Variants in CDH13 observed in about 807,000 individuals in gnomAD.
CDH13 encodes cadherin-13.
A neutral mutation model predicts 63.8 loss-of-function variants in CDH13; 24 were observed. The observed-to-expected ratio is 0.38, with a 90% confidence interval of 0.27 to 0.53. CDH13 has a LOEUF of 0.53. Among genes scored for constraint, CDH13 ranks in the 20% least tolerant of loss-of-function variants. The probability of loss-of-function intolerance (pLI) is 0.85; values close to 1 mark genes in which losing one functional copy is unlikely to be tolerated. For synonymous variants in CDH13, 503 were observed against 355.3 expected (o/e 1.42, Z -4.67); for missense variants, 1,049 against 903.1 (o/e 1.16, Z -2.07).
chr16:83,459,427 T>G (rs1330670244), intron 6 of CDH13, among the ~76,000 whole-genome samples: 2 of 152,260 alleles, frequency 1.3e-5, no homozygotes, highest in Non-Finnish European at 2.9e-5. Context: ...TCAGAATGTT[T>G]ATTTCCTTTA....
At chr16:83,762,158 T>G (rs1475826944) in intron 11 of CDH13, among the ~76,000 whole-genome samples, 1 of 152,212 alleles carries the variant, frequency 6.6e-6, no homozygotes, top group East Asian at 1.9e-4. Context: ...TTTTGCTACA[T>G]CAAAACTGGC....
In CDH13 at chr16:83,751,878, G is replaced by C. The variant is rs940529675; in HGVS notation, c.1681+3628G>C. On this transcript the variant is annotated intron_variant, in intron 11 of 13. Transcript: ENST00000567109. ...GGACTGGTCCTTCTTGTTTTCGGAG[G>C]GTGGGTGTTGAGATTACGTCCCAGA... Among the ~76,000 whole-genome samples, 4 of 152,224 alleles carry C rather than the reference G, an allele frequency of 2.6e-5. No individual in the cohort carries two copies. In the East Asian group the frequency reaches 7.7e-4, roughly 29 times the overall value.
rs1774368047 is a variant in CDH13, at chr16:83,047,921, C to T, written c.366+15703C>T. Among the ~76,000 whole-genome samples, 1 of 152,134 alleles carries T rather than the reference C, an allele frequency of 6.6e-6. No homozygotes were observed. The highest frequency in any genetic ancestry group is 6.5e-5 in the Admixed American group (1 of 15,276). Reference sequence around the variant, plus strand: ...ACGGGGAGACTATGTGTGACCAGCACAGGGTCATACATCTAGAATATTTTG... The same window carrying T: ...ACGGGGAGACTATGTGTGACCAGCATAGGGTCATACATCTAGAATATTTTG... On this transcript the variant is annotated intron_variant, in intron 3 of 13. Coordinates refer to ENST00000567109, the MANE Select transcript of CDH13 (RefSeq NM_001257.5). The surrounding 1 kb of genome is among the most constrained non-coding windows in gnomAD (Gnocchi z 4.9).
intron 7 of CDH13, among the ~76,000 whole-genome samples, chr16:83,560,722 A>G (rs2075687869): frequency 6.6e-6 from 1 of 152,206 alleles, no homozygotes; most frequent in African/African-American, 2.4e-5. Context: ...CTGTATTGAC[A>G]TCTTTTTGCC....
intron 1 of CDH13, among the ~76,000 whole-genome samples, chr16:82,642,385 A>G (rs147452387): frequency 2.0e-5 from 3 of 152,354 alleles, no homozygotes; most frequent in East Asian, 3.9e-4. Context: ...ATTGTAATCA[A>G]TAGGGAACAA....
chr16:82,729,053 TC>T (rs1378432759), intron 1 of CDH13, among the ~76,000 whole-genome samples: 1 of 152,198 alleles, frequency 6.6e-6, no homozygotes, highest in Non-Finnish European at 1.5e-5. Context: ...ATCTTCAGGC[TC>T]TATTTCTAAT....
chr16:82,647,566 C>T (rs1910242591), intron 1 of CDH13, among the ~76,000 whole-genome samples: 1 of 152,138 alleles, frequency 6.6e-6, no homozygotes, highest in Non-Finnish European at 1.5e-5. Context: ...GTGTGGAATA[C>T]CTGCTTCCAA....
intron 5 of CDH13, among the ~76,000 whole-genome samples, chr16:83,249,761 C>A (rs1318506984): frequency 6.6e-6 from 1 of 152,206 alleles, no homozygotes; most frequent in African/African-American, 2.4e-5. Flanking sequence ...ATGGATCAGA[C>A]TTTGCACGTT....
intron 10 of CDH13, among the ~76,000 whole-genome samples, chr16:83,740,952 T>C (rs1251569358): frequency 1.3e-5 from 2 of 152,164 alleles, no homozygotes; most frequent in East Asian, 1.9e-4. Context: ...AGGAAAGAGA[T>C]AGAAAATGCA....
chr16:83,525,119 T>C (rs1473343519), intron 7 of CDH13, among the ~76,000 whole-genome samples: 3 of 152,174 alleles, frequency 2.0e-5, no homozygotes, highest in African/African-American at 7.2e-5. Flanking sequence ...CCGGTGTCCT[T>C]ATAGCAACCC....
intron 1 of CDH13, among the ~76,000 whole-genome samples, chr16:82,796,059 T>C (rs979696217): frequency 3.3e-5 from 5 of 151,982 alleles, no homozygotes; most frequent in Non-Finnish European, 2.9e-5. Flanking sequence ...TCCCTTGCCC[T>C]ATTGGCACTT....
chr16:83,479,430 G>A (rs1023382049), intron 6 of CDH13, among the ~76,000 whole-genome samples: 1 of 152,160 alleles, frequency 6.6e-6, no homozygotes, highest in African/African-American at 2.4e-5. Flanking sequence ...ACTTTGACGG[G>A]CAGATCACGA....
At chr16:82,672,841 G>T (rs567385261) in intron 1 of CDH13, among the ~76,000 whole-genome samples, 8 of 151,322 alleles carry the variant, frequency 5.3e-5, no homozygotes, top group Non-Finnish European at 1.2e-4. Context: ...TGGAGACAGA[G>T]CCTCACTGTG....
intron 10 of CDH13, among the ~76,000 whole-genome samples, chr16:83,687,073 C>A (rs4782552): frequency 0.44 from 67,532 of 151,918 alleles, 15,671 homozygotes; most frequent in East Asian, 0.72. Context: ...GTTAGCCAGG[C>A]ATGGTGGTGC....
At chr16:82,689,859 T>C (rs1915458477) in intron 1 of CDH13, among the ~76,000 whole-genome samples, 1 of 151,578 alleles carries the variant, frequency 6.6e-6, no homozygotes, top group South Asian at 2.1e-4. Flanking sequence ...TAAGATCTTC[T>C]CATAGCTGGG....
At chr16:82,783,660 G>C (rs1019228670) in intron 1 of CDH13, among the ~76,000 whole-genome samples, 5 of 152,332 alleles carry the variant, frequency 3.3e-5, no homozygotes, top group Non-Finnish European at 7.4e-5. Flanking sequence ...CTTGTTCAAT[G>C]AGATTCTAAT....
Position 82,860,353 on chromosome 16 carries a change from T to G in CDH13, c.157+1880T>G, listed in dbSNP as rs189436779. Among the ~76,000 whole-genome samples the G allele has an allele frequency of 1.6e-3, 197 of 125,938 alleles. 1 individual carries two copies. Among genetic ancestry groups the G allele is most frequent in the African/African-American group, 5.6e-3 (185 of 33,048 alleles). The allele number at this position is 125,938 out of a possible 152,430, so 82.6% of individuals were successfully genotyped here. Reference sequence around the variant, plus strand: ...CTTTTTAATTTAAAGTAAGCCATACTGTACATTGCAGTATCACAGTTGTGT... The same window carrying G: ...CTTTTTAATTTAAAGTAAGCCATACGGTACATTGCAGTATCACAGTTGTGT... On this transcript the variant is annotated intron_variant, in intron 2 of 13. Transcript: ENST00000567109.
At chr16:83,459,859 A>C (rs2073130203) in intron 6 of CDH13, among the ~76,000 whole-genome samples, 1 of 152,194 alleles carries the variant, frequency 6.6e-6, no homozygotes, top group South Asian at 2.1e-4. Context: ...CAATAGTGTT[A>C]CTCAACTGGT....
At chr16:83,032,366 T>C in intron 3 of CDH13, 148 bp downstream of exon 3, 1 of 634,852 alleles carries the variant, frequency 1.6e-6, no homozygotes, top group Non-Finnish European at 2.7e-6. Flanking sequence ...ACTCTAAAAA[T>C]GTAGATGAGG....
Sources: allele counts gnomAD v4.1 joint callset (sites outside exome capture counted in the v4.1 genomes callset), GRCh38; gene constraint gnomAD v4.1.1; non-coding constraint Gnocchi (gnomAD v3.1); transcripts MANE v1.5; gene names NCBI Gene and HGNC (gene_info 2026-07-23, HGNC 2026-07-21).